GABRG3: variants seen among roughly 807,000 people sequenced by gnomAD.
GABRG3 encodes gamma-aminobutyric acid receptor subunit gamma-3.
In GABRG3, 25 loss-of-function variants were observed where a neutral mutation model predicts 48.8. The observed-to-expected ratio is 0.51, with a 90% CI of 0.37 to 0.72. The LOEUF (loss-of-function observed/expected upper bound fraction) is 0.72. GABRG3 is among the 30% of genes least tolerant of loss of function. The pLI is 0.00. For synonymous variants in GABRG3, 227 were observed against 217.6 expected (o/e 1.04, Z -0.38); for missense variants, 394 against 577.9 (o/e 0.68, Z 3.26).
At chr15:27,371,424 G>T (rs1039691102) in intron 5 of GABRG3, among the ~76,000 whole-genome samples, 1 of 152,168 alleles carries the variant, frequency 6.6e-6, no homozygotes, top group African/African-American at 2.4e-5. Context: ...TCTGTAAAAA[G>T]AAGATTATTT....
intron 5 of GABRG3, among the ~76,000 whole-genome samples, chr15:27,448,797 G>A (rs1889020973): frequency 6.6e-6 from 1 of 151,906 alleles, no homozygotes; most frequent in South Asian, 2.1e-4. Flanking sequence ...GTGTGCATGT[G>A]TGCATGCACA....
At chr15:27,220,599 G>A (rs577569006) in intron 3 of GABRG3, among the ~76,000 whole-genome samples, 1 of 152,282 alleles carries the variant, frequency 6.6e-6, no homozygotes, top group South Asian at 2.1e-4. Context: ...TTTCCATCTG[G>A]TAGGGGCCTG....
intron 6 of GABRG3, among the ~76,000 whole-genome samples, chr15:27,499,904 G>C (rs1890577480): frequency 6.6e-6 from 1 of 152,188 alleles, no homozygotes; most frequent in Admixed American, 6.5e-5. Context: ...CCAGGCAAAG[G>C]CTGCCTCGGA....
chr15:27,415,153 T>A (rs1294265070), intron 5 of GABRG3, among the ~76,000 whole-genome samples: 2 of 152,206 alleles, frequency 1.3e-5, no homozygotes, highest in African/African-American at 4.8e-5. Context: ...CTCTTTCTCC[T>A]CATATTCCCA....
At chr15:27,325,419 C>T (rs1309568107) in intron 3 of GABRG3, among the ~76,000 whole-genome samples, 1 of 152,208 alleles carries the variant, frequency 6.6e-6, no homozygotes, top group Non-Finnish European at 1.5e-5. Context: ...TGGAAAAGCT[C>T]GCTGAGAACC....
intron 3 of GABRG3, among the ~76,000 whole-genome samples, chr15:27,108,266 A>G (rs1340558921): frequency 6.6e-6 from 1 of 152,094 alleles, no homozygotes; most frequent in Non-Finnish European, 1.5e-5. Flanking sequence ...TAATTAGTTC[A>G]AATTATTTTA....
intron 3 of GABRG3, among the ~76,000 whole-genome samples, chr15:27,192,887 G>A (rs376823282): frequency 6.6e-6 from 1 of 152,098 alleles, no homozygotes; most frequent in Non-Finnish European, 1.5e-5. Flanking sequence ...TGTACAGATG[G>A]GTTTTTGGTG....
intron 3 of GABRG3, among the ~76,000 whole-genome samples, chr15:27,053,836 A>C (rs1211182663): frequency 6.6e-6 from 1 of 152,244 alleles, no homozygotes; most frequent in African/African-American, 2.4e-5. Flanking sequence ...ATGGATGGGA[A>C]GGTGGAGGCC....
rs941211493 is a variant in GABRG3 at position 26,976,099 on chromosome 15, A to G, written c.54-903A>G. 2.0e-5 allele frequency among the ~76,000 whole-genome samples: 3 copies of G among 151,428 alleles called. No homozygotes were observed. The highest frequency in any genetic ancestry group is 7.3e-5 in the African/African-American group (3 of 41,092). On this transcript the variant is annotated intron_variant, in intron 1 of 9. Coordinates refer to ENST00000615808, the MANE Select transcript of GABRG3 (RefSeq NM_033223.5). The surrounding 1 kb of genome is among the most constrained non-coding windows in gnomAD (Gnocchi z 7.8). ...GCCAATTATAAACCAAACATTTTTTAAAAAACCCAAAACTGCAGAACCAAA... is the reference window on the plus strand; with the variant it reads ...GCCAATTATAAACCAAACATTTTTTGAAAAACCCAAAACTGCAGAACCAAA...
At position 27,500,841 on chromosome 15, in the gene GABRG3, T is replaced by TAA. The variant is rs56087210; in HGVS notation, c.713-19120_713-19119dup. ...TGCAGGTGTAATTTGTATTTGCTGT[T>TAA]AAAAAAAAAAAATTAATCCAGGAAT... On this transcript the variant is annotated intron_variant, in intron 6 of 9. Transcript: ENST00000615808. Among the ~76,000 whole-genome samples the TAA allele has an allele frequency of 4.4e-3, 654 of 148,586 alleles. 1 individual carries two copies. Among genetic ancestry groups the TAA allele is most frequent in the African/African-American group, 0.01 (417 of 40,588 alleles).
intron 3 of GABRG3, among the ~76,000 whole-genome samples, chr15:27,191,610 G>A (rs1888309493): frequency 1.3e-5 from 2 of 152,228 alleles, no homozygotes; most frequent in East Asian, 1.9e-4. Flanking sequence ...TTGAGCCTAT[G>A]TGTGTCTCTG....
chr15:27,279,984 A>G (rs1016811742), intron 3 of GABRG3, among the ~76,000 whole-genome samples: 1 of 152,130 alleles, frequency 6.6e-6, no homozygotes, highest in African/African-American at 2.4e-5. Context: ...TTAAAGCTAT[A>G]TATTTCATAT....
intron 2 of GABRG3, among the ~76,000 whole-genome samples, chr15:26,992,375 A>G (rs1343961279): frequency 6.6e-6 from 1 of 152,218 alleles, no homozygotes; most frequent in Non-Finnish European, 1.5e-5. Context: ...TCTGTCATAT[A>G]CAGCTTTTAT....
chr15:27,538,028 A>C lies in GABRG3; in HGVS notation c.*5147A>C, dbSNP rs895312122. ...CTAATTTTTTATATTTTTAGTAGAGATGGGCTTTCACCATGTTGGCCAGGC... is the reference window on the plus strand; with the variant it reads ...CTAATTTTTTATATTTTTAGTAGAGCTGGGCTTTCACCATGTTGGCCAGGC... On this transcript the variant is annotated 3_prime_UTR_variant, in exon 10 of 10. Transcript: ENST00000615808. 1 of 152,146 alleles carries C rather than the reference A, an allele frequency of 6.6e-6. No homozygotes were observed. Among genetic ancestry groups the C allele is most frequent in the South Asian group, 2.1e-4 (1 of 4,828 alleles). The allele number at this position is 152,146 out of a possible 1,614,324, so 9.4% of individuals were successfully genotyped here.
chr15:27,526,276 G>A (rs1400157349), intron 7 of GABRG3, among the ~76,000 whole-genome samples: 1 of 152,186 alleles, frequency 6.6e-6, no homozygotes, highest in African/African-American at 2.4e-5. Context: ...ACTGCCTTGA[G>A]TAGATGCAGG....
At chr15:27,250,323 A>T (rs903662646) in intron 3 of GABRG3, among the ~76,000 whole-genome samples, 1 of 152,210 alleles carries the variant, frequency 6.6e-6, no homozygotes, top group African/African-American at 2.4e-5. Context: ...GCTTACATTT[A>T]ATCAAGTTAA....
chr15:27,377,514 G>A (rs936261066), intron 5 of GABRG3, among the ~76,000 whole-genome samples: 2 of 152,194 alleles, frequency 1.3e-5, no homozygotes, highest in Non-Finnish European at 2.9e-5. Flanking sequence ...ACGGTAAAAG[G>A]CATGTCTCTT....
intron 3 of GABRG3, among the ~76,000 whole-genome samples, chr15:27,248,428 A>G (rs1890332006): frequency 6.6e-6 from 1 of 152,170 alleles, no homozygotes; most frequent in Non-Finnish European, 1.5e-5. Flanking sequence ...TCCTGTGGCT[A>G]CATGGTCAGA....
At chr15:27,229,448 G>GTTT (rs200778520) in intron 3 of GABRG3, among the ~76,000 whole-genome samples, 3 of 141,212 alleles carry the variant, frequency 2.1e-5, no homozygotes, top group Non-Finnish European at 3.0e-5. Context: ...GTGTGCCTAG[G>GTTT]TTTTTTGTGT....
Sources: gnomAD v4.1 joint callset for allele counts (sites outside exome capture counted in the v4.1 genomes callset) on GRCh38, gnomAD v4.1.1 for gene constraint, Gnocchi (gnomAD v3.1) non-coding constraint, MANE v1.5 for transcripts, NCBI Gene and HGNC (gene_info 2026-07-23, HGNC 2026-07-21) for gene names.